GLYR1: variants seen among roughly 807,000 people sequenced by gnomAD.
The protein encoded by GLYR1 is cytokine-like nuclear factor N-PAC.
Under a neutral mutation model 72.7 loss-of-function variants are expected in GLYR1, and 21 were observed. The ratio of observed to expected loss-of-function variants is 0.29; its 90% confidence interval spans 0.20 to 0.42. GLYR1 has a LOEUF of 0.42. Ranked by LOEUF, GLYR1 falls within the 10% of genes least tolerant of loss-of-function variation. The probability of loss-of-function intolerance (pLI) is 1.00; values close to 1 mark genes in which losing one functional copy is unlikely to be tolerated. For synonymous variants in GLYR1, 392 were observed against 270.2 expected, an observed-to-expected ratio of 1.45 and a Z score of -4.42; for missense variants, 594 against 712.1, an observed-to-expected ratio of 0.83 and a Z score of 1.89.
At position 4,812,375 on chromosome 16, in the gene GLYR1, C is replaced by G. The variant is rs1329093884; in HGVS notation, c.1120-127G>C. 8 of 974,488 alleles carry G rather than the reference C, an allele frequency of 8.2e-6. No individual in the cohort carries two copies. The African/African-American group carries it at 9.9e-5, about 12-fold the overall frequency. The allele number at this position is 974,488 out of a possible 1,614,324, so 60.4% of individuals were successfully genotyped here. ...TCCAGAGCTGGAGGGGACGGCCACC[C>G]ATACCAAGGTCCTTTAGCTGACACC... On this transcript the variant is annotated intron_variant, in intron 12 of 15. Transcript: ENST00000321919.
At chr16:4,845,187 G>C (rs753176856) in intron 2 of GLYR1, 34 bp from the exon 3 acceptor site, 4 of 1,507,308 alleles carry the variant, frequency 2.7e-6, no homozygotes, top group South Asian at 2.2e-5. Context: ...AGGTTGGCTG[G>C]CAACACAGCA....
In GLYR1 at chr16:4,812,152, C is replaced by G; in HGVS notation, c.1216G>C (p.Asp406His). 6.2e-7 allele frequency: 1 copy of G among 1,614,212 alleles called. No individual in the cohort carries two copies. The highest frequency in any genetic ancestry group is 8.5e-7 in the Non-Finnish European group (1 of 1,180,042). The part of the protein sequence containing the change: ...DGMLVILAAG[D>H]RGLYEDCSSC... ...CTGCAGTCCTCATATAAGCCCCTGT[C>G]TCCAGCCGCTAAGATCACCAACATC... Residue 406 changes from aspartate (D) to histidine (H), a missense_variant, in exon 13 of 16, where the codon GAC (aspartate) becomes CAC (histidine). By Grantham distance (81) the Asp-to-His change is moderately conservative. This residue lies in a region of GLYR1 where 266 missense variants were observed against 358.4 expected (regional missense o/e 0.74). Coordinates refer to ENST00000321919, the MANE Select transcript of GLYR1 (RefSeq NM_032569.4).
At position 4,821,283 on chromosome 16, in the gene GLYR1, G is replaced by T; in HGVS notation, c.806+97C>A. 2 of 1,206,960 alleles carry T rather than the reference G, an allele frequency of 1.7e-6. 1 individual carries two copies. The highest frequency in any genetic ancestry group is 2.4e-5 in the South Asian group (2 of 82,074). The allele number at this position is 1,206,960 out of a possible 1,614,324, so 74.8% of individuals were successfully genotyped here. Reference sequence around the variant, plus strand: ...CCTTTTCCATTCAATGCCAGCAATGGCTGGGACACAACCCTTAAAGAACCC... The same window carrying T: ...CCTTTTCCATTCAATGCCAGCAATGTCTGGGACACAACCCTTAAAGAACCC... On this transcript the variant is annotated intron_variant, in intron 9 of 15. Transcript: ENST00000321919.
At position 4,831,986 on chromosome 16, in the gene GLYR1, T is replaced by A; in HGVS notation, c.530A>T (p.Asp177Val). 6.2e-7 allele frequency: 1 copy of A among 1,613,286 alleles called. No individual in the cohort carries two copies. The highest frequency in any genetic ancestry group is 8.5e-7 in the Non-Finnish European group (1 of 1,179,690). ...TGCAGAGAGAAAACAAACCTTCTCATCCTTTGGGGGCCGACCCCGCTTCCG... is the reference window on the plus strand; with the variant it reads ...TGCAGAGAGAAAACAAACCTTCTCAACCTTTGGGGGCCGACCCCGCTTCCG... Reference protein sequence around the residue: ...SPRKRGRPPKDEKDLTIPESS... With the variant: ...SPRKRGRPPKVEKDLTIPESS... The change falls in exon 5 of 16, where the codon GAT becomes GTT. Residue 177 changes from aspartate to valine, a missense_variant. This residue lies in a region of GLYR1 where 252 missense variants were observed against 211.3 expected (regional missense o/e 1.19). Transcript: ENST00000321919.
At chr16:4,807,107 CTTTTT>C (rs765039360) in intron 15 of GLYR1, among the ~76,000 whole-genome samples, 3 of 110,882 alleles carry the variant, frequency 2.7e-5, no homozygotes, top group Non-Finnish European at 1.8e-5. Context: ...CGCCTGGCCC[CTTTTT>C]TTTTTTTTTT....
rs561368995 is a variant in GLYR1 at position 4,809,623 on chromosome 16, A to G, written c.1587+1547T>C. 3.3e-3 allele frequency among the ~76,000 whole-genome samples: 496 copies of G among 151,386 alleles called. 4 individuals carry two copies. The highest frequency in any genetic ancestry group is 5.2e-3 in the Non-Finnish European group (356 of 67,814). ...CGAAACTCCGTCTCAAAAAAAAAAA[A>G]AAAAAAAATCATACAGGCAGCTGGT... On this transcript the variant is annotated intron_variant, in intron 15 of 15. Transcript: ENST00000321919.
rs746695399 is a variant in GLYR1, at chr16:4,811,325, G to A, written c.1463-31C>T. Reference sequence around the variant, plus strand: ...GAGAAAAAGCCAGTATCAGACAAAAGCCAAGGACCTGAAACTAAAAACTAC... The same window carrying A: ...GAGAAAAAGCCAGTATCAGACAAAAACCAAGGACCTGAAACTAAAAACTAC... On this transcript the variant is annotated intron_variant, in intron 14 of 15. Coordinates refer to ENST00000321919, the MANE Select transcript of GLYR1 (RefSeq NM_032569.4). 5 of 1,611,668 alleles carry A rather than the reference G, an allele frequency of 3.1e-6. No individual in the cohort carries two copies. In the South Asian group the frequency reaches 4.4e-5, roughly 14 times the overall value.
At position 4,823,263 on chromosome 16, in the gene GLYR1, A is replaced by G. The variant is rs559008215; in HGVS notation, c.625-332T>C. On this transcript the variant is annotated intron_variant, in intron 6 of 15. Transcript: ENST00000321919. Reference sequence around the variant, plus strand: ...ACTCATCAGGCACAGCAGATAACCCAGCAAACTAAGTCACATCTATTCTGG... The same window carrying G: ...ACTCATCAGGCACAGCAGATAACCCGGCAAACTAAGTCACATCTATTCTGG... 2.0e-5 allele frequency among the ~76,000 whole-genome samples: 3 copies of G among 152,362 alleles called. No individual in the cohort carries two copies. The East Asian group carries it at 5.8e-4, about 29-fold the overall frequency.
intron 3 of GLYR1, among the ~76,000 whole-genome samples, chr16:4,837,371 T>C (rs1311081952): frequency 1.3e-5 from 2 of 151,436 alleles, no homozygotes; most frequent in Admixed American, 1.3e-4. Flanking sequence ...GTGGAGGTTG[T>C]AGTGAGTGCA....
chr16:4,809,919 G>A (rs538850573), intron 15 of GLYR1, among the ~76,000 whole-genome samples: 1 of 151,506 alleles, frequency 6.6e-6, no homozygotes, highest in South Asian at 2.1e-4. Flanking sequence ...GCAAAACTCT[G>A]TCTCCAAAAA....
At chr16:4,821,627 G>A (rs2141986048) in intron 7 of GLYR1, 30 bp from the exon 8 acceptor site, 1 of 1,605,732 alleles carries the variant, frequency 6.2e-7, no homozygotes, top group Non-Finnish European at 8.5e-7. Flanking sequence ...GAGACTACTT[G>A]TGCTACTGCA....
chr16:4,843,137 T>G (rs965769708), intron 3 of GLYR1, among the ~76,000 whole-genome samples: 5 of 152,196 alleles, frequency 3.3e-5, no homozygotes, highest in Admixed American at 3.3e-4. Flanking sequence ...CACATAACAC[T>G]GATGTTATGC....
At chr16:4,833,075 T>C in intron 3 of GLYR1, 163 bp from the exon 4 acceptor site, 2 of 530,976 alleles carry the variant, frequency 3.8e-6, no homozygotes, top group Middle Eastern at 5.7e-4. Context: ...TCTCAGAGTC[T>C]TATGTCTAAA....
intron 5 of GLYR1, among the ~76,000 whole-genome samples, chr16:4,827,085 C>A (rs2084428458): frequency 2.0e-5 from 3 of 152,228 alleles, no homozygotes; most frequent in Admixed American, 2.0e-4. Context: ...CTCTTACATG[C>A]AGGTCCAGAC....
At chr16:4,832,990 G>C in intron 3 of GLYR1, 78 bp from the exon 4 acceptor site, 1 of 1,348,590 alleles carries the variant, frequency 7.4e-7, no homozygotes, top group Non-Finnish European at 9.9e-7. Context: ...ACTATGGCAC[G>C]GTGTAAATAT....
intron 9 of GLYR1, among the ~76,000 whole-genome samples, chr16:4,820,168 T>C (rs1360554802): frequency 6.6e-6 from 1 of 152,186 alleles, no homozygotes; most frequent in Non-Finnish European, 1.5e-5. Flanking sequence ...TGGCTAATTT[T>C]TGTAGAGACA....
chr16:4,842,796 T>C (rs1040234246), intron 3 of GLYR1, among the ~76,000 whole-genome samples: 5 of 152,136 alleles, frequency 3.3e-5, no homozygotes, highest in Non-Finnish European at 5.9e-5. Context: ...GCATCCCAGG[T>C]TCAACCAATT....
Position 4,805,018 on chromosome 16 carries a change from T to C in GLYR1, c.*218A>G. The C allele has an allele frequency of 1.7e-6, 1 of 587,982 alleles. No individual in the cohort carries two copies. Among genetic ancestry groups the C allele is most frequent in the Non-Finnish European group, 3.1e-6 (1 of 327,046 alleles). The allele number at this position is 587,982 out of a possible 1,614,324, so 36.4% of individuals were successfully genotyped here. ...GGGGGCCAGTGCCCAGCTCAAGAGCTTTCCCACACGCCAATCCTGCTGACA... is the reference window on the plus strand; with the variant it reads ...GGGGGCCAGTGCCCAGCTCAAGAGCCTTCCCACACGCCAATCCTGCTGACA... On this transcript the variant is annotated 3_prime_UTR_variant, in exon 16 of 16. Coordinates refer to ENST00000321919, the MANE Select transcript of GLYR1 (RefSeq NM_032569.4).
At chr16:4,811,878 C>A in intron 13 of GLYR1, 76 bp from the exon 14 acceptor site, 11 of 1,512,114 alleles carry the variant, frequency 7.3e-6, no homozygotes, top group Non-Finnish European at 9.8e-6. Flanking sequence ...CTCACCTCTG[C>A]TCAGACCCAC....
Sources: gnomAD v4.1 joint callset for allele counts (sites outside exome capture counted in the v4.1 genomes callset) on GRCh38, gnomAD v4.1.1 for gene constraint, gnomAD v4.1.1 regional missense constraint, MANE v1.5 for transcripts, NCBI Gene and HGNC (gene_info 2026-07-23, HGNC 2026-07-21) for gene names.